Variants in STXBP5L observed in about 807,000 individuals in gnomAD.
STXBP5L encodes the protein syntaxin binding protein 5L.
Under a neutral mutation model 144.5 loss-of-function variants are expected in STXBP5L, and 65 were observed. The ratio of observed to expected loss-of-function variants is 0.45; its 90% CI spans 0.37 to 0.55. The LOEUF is 0.55. Among genes scored for constraint, STXBP5L ranks in the 20% least tolerant of loss-of-function variants. The probability of loss-of-function intolerance (pLI) is 0.00; values close to 1 mark genes in which losing one functional copy is unlikely to be tolerated. For missense variants in STXBP5L, 1,298 were observed against 1,405.5 expected, an observed-to-expected ratio of 0.92 and a Z score of 1.22; for synonymous variants, 505 against 469.6, an observed-to-expected ratio of 1.08 and a Z score of -0.97.
intron 20 of STXBP5L, among the ~76,000 whole-genome samples, chr3:121,335,305 G>T (rs1283373104): frequency 6.6e-6 from 1 of 152,090 alleles, no homozygotes; most frequent in Non-Finnish European, 1.5e-5. Flanking sequence ...AGAAAACAGA[G>T]ATGACACAAA....
intron 9 of STXBP5L, among the ~76,000 whole-genome samples, chr3:121,190,195 G>T (rs1433649884): frequency 1.3e-5 from 2 of 152,170 alleles, no homozygotes; most frequent in East Asian, 1.9e-4. Flanking sequence ...CTAGGCAGAG[G>T]GCCCTGCGGC....
At chr3:121,065,702 C>T (rs1405125355) in intron 5 of STXBP5L, among the ~76,000 whole-genome samples, 1 of 152,148 alleles carries the variant, frequency 6.6e-6, no homozygotes, top group African/African-American at 2.4e-5. Flanking sequence ...CAGGCATGTG[C>T]CACCATGCCT....
chr3:121,086,498 G>A (rs1022021401), intron 5 of STXBP5L, among the ~76,000 whole-genome samples: 1 of 152,028 alleles, frequency 6.6e-6, no homozygotes, highest in Non-Finnish European at 1.5e-5. Flanking sequence ...TTACCATTAT[G>A]TAACAATTGC....
intron 19 of STXBP5L, among the ~76,000 whole-genome samples, chr3:121,316,758 A>T (rs2043802298): frequency 1.3e-5 from 2 of 152,134 alleles, no homozygotes; most frequent in African/African-American, 2.4e-5. Flanking sequence ...TGTCTTTAAA[A>T]CCTTTCAGAG....
At chr3:121,365,599 C>T (rs530232731) in intron 20 of STXBP5L, among the ~76,000 whole-genome samples, 6 of 151,456 alleles carry the variant, frequency 4.0e-5, no homozygotes, top group African/African-American at 7.3e-5. Flanking sequence ...TTTTTATTTC[C>T]GTAGAATCAG....
At chr3:121,134,905 C>A (rs2045173437) in intron 7 of STXBP5L, among the ~76,000 whole-genome samples, 2 of 152,286 alleles carry the variant, frequency 1.3e-5, no homozygotes, top group Admixed American at 6.5e-5. Context: ...ATTTATAATC[C>A]TTTGGGTATA....
intron 3 of STXBP5L, among the ~76,000 whole-genome samples, chr3:121,016,084 A>T (rs1477698158): frequency 6.6e-6 from 1 of 152,230 alleles, no homozygotes; most frequent in Admixed American, 6.5e-5. Context: ...TCTCTGGCAT[A>T]TATGGCTATA....
chr3:121,154,265 T>G (rs1004450965), intron 8 of STXBP5L, among the ~76,000 whole-genome samples: 1 of 151,880 alleles, frequency 6.6e-6, no homozygotes, highest in Non-Finnish European at 1.5e-5. Context: ...TTAACAGAGA[T>G]AGTTAAATAC....
At chr3:121,239,334 AG>A in intron 13 of STXBP5L, among the ~76,000 whole-genome samples, 1 of 150,948 alleles carries the variant, frequency 6.6e-6, no homozygotes, top group South Asian at 2.1e-4. Context: ...CTTATACAGA[AG>A]GTATATAATT....
At chr3:121,293,400 T>C (rs1268023138) in intron 19 of STXBP5L, among the ~76,000 whole-genome samples, 1 of 152,212 alleles carries the variant, frequency 6.6e-6, no homozygotes, top group Non-Finnish European at 1.5e-5. Flanking sequence ...GTGTTTATTA[T>C]GTTAATTGCA....
At chr3:121,254,320 CCT>C (rs150180466) in intron 15 of STXBP5L, among the ~76,000 whole-genome samples, 17,030 of 152,090 alleles carry the variant, frequency 0.11, 1,034 homozygotes, top group Non-Finnish European at 0.14. Context: ...TATATCTGAC[CCT>C]TTCTTGACAC....
chr3:120,939,670 A>T (rs1430651953), intron 2 of STXBP5L, among the ~76,000 whole-genome samples: 1 of 152,214 alleles, frequency 6.6e-6, no homozygotes, highest in Non-Finnish European at 1.5e-5. Flanking sequence ...AATTAGTTAG[A>T]TAACTAATCT....
intron 2 of STXBP5L, among the ~76,000 whole-genome samples, chr3:120,916,461 C>T (rs1389297464): frequency 3.3e-5 from 5 of 151,948 alleles, no homozygotes; most frequent in East Asian, 3.9e-4. Flanking sequence ...CCACCACGCC[C>T]GGCTAATTTT....
At chr3:121,105,387 T>C (rs751716110) in intron 5 of STXBP5L, among the ~76,000 whole-genome samples, 5 of 151,830 alleles carry the variant, frequency 3.3e-5, no homozygotes, top group Non-Finnish European at 7.4e-5. Flanking sequence ...AGAGTGAGAC[T>C]CTGTCTCAAA....
At position 121,413,433 on chromosome 3, in the gene STXBP5L, A is replaced by G. The variant is rs186944337; in HGVS notation, c.3114+110A>G. ...GGTCAGACAATAATTATGCCCTTCC[A>G]ATAACATGTTTTGAATATATATTCT... is the stretch of plus-strand genomic sequence containing the variant. On this transcript the variant is annotated intron_variant, in intron 24 of 26. Transcript: ENST00000471454. 8.6e-6 allele frequency: 8 copies of G among 930,812 alleles called. No individual in the cohort carries two copies. The East Asian group carries it at 2.0e-4, about 24-fold the overall frequency. The allele number at this position is 930,812 out of a possible 1,614,324, so 57.7% of individuals were successfully genotyped here.
At chr3:121,281,634 G>C (rs1410913746) in intron 19 of STXBP5L, among the ~76,000 whole-genome samples, 1 of 151,892 alleles carries the variant, frequency 6.6e-6, no homozygotes, top group African/African-American at 2.4e-5. Flanking sequence ...GGCAAAAAAA[G>C]TACATAATTT....
intron 3 of STXBP5L, among the ~76,000 whole-genome samples, chr3:120,973,014 A>T (rs967528861): frequency 3.9e-5 from 6 of 151,992 alleles, no homozygotes; most frequent in Non-Finnish European, 8.8e-5. Flanking sequence ...TTCATCAGAG[A>T]TATTGATCTA....
chr3:121,303,525 T>G lies in STXBP5L; in HGVS notation c.2111-14950T>G, dbSNP rs546818781. Among the ~76,000 whole-genome samples, 372 of 152,310 alleles carry G rather than the reference T, an allele frequency of 2.4e-3. 5 individuals carry two copies. The highest frequency in any genetic ancestry group is 8.6e-3 in the African/African-American group (356 of 41,574). Reference sequence around the variant, plus strand: ...CCATTTGACCCAGCCATCCCATTACTGGGTATATACCCAAAGGATTATAAA... The same window carrying G: ...CCATTTGACCCAGCCATCCCATTACGGGGTATATACCCAAAGGATTATAAA... On this transcript the variant is annotated intron_variant, in intron 19 of 26. Transcript: ENST00000471454.
At chr3:121,249,468 G>A (rs142787010) in intron 14 of STXBP5L, among the ~76,000 whole-genome samples, 63 of 152,210 alleles carry the variant, frequency 4.1e-4, no homozygotes, top group Admixed American at 1.7e-3. Flanking sequence ...ACTGTTGTAA[G>A]TGGTACTATT....
Sources: gnomAD v4.1 joint callset for allele counts (sites outside exome capture counted in the v4.1 genomes callset) on GRCh38, gnomAD v4.1.1 for gene constraint, MANE v1.5 for transcripts, NCBI Gene and HGNC (gene_info 2026-07-23, HGNC 2026-07-21) for gene names.